Variants in DNM3 observed in about 807,000 individuals in gnomAD.
DNM3 encodes the protein dynamin-3.
In DNM3, 47 loss-of-function variants were observed where a neutral mutation model predicts 101.6. That is an observed-to-expected ratio of 0.46 (90% CI 0.37 to 0.59). The LOEUF (loss-of-function observed/expected upper bound fraction) is 0.59, where lower values mean the gene tolerates loss of function less well. Ranked by LOEUF, DNM3 falls within the 20% of genes least tolerant of loss-of-function variation. DNM3 has a pLI of 0.00. For synonymous variants in DNM3, 385 were observed against 387.9 expected (o/e 0.99, Z 0.09); for missense variants, 849 against 1,085.7 (o/e 0.78, Z 3.06).
intron 14 of DNM3, among the ~76,000 whole-genome samples, chr1:172,235,737 T>C (rs893857794): frequency 1.3e-5 from 2 of 151,848 alleles, no homozygotes; most frequent in African/African-American, 4.8e-5. Flanking sequence ...CAGCAAACTA[T>C]CGCAAGGACA....
rs148056675 is a variant in DNM3, at chr1:171,954,265, A to C, written c.235+32444A>C. Among the ~76,000 whole-genome samples the C allele has an allele frequency of 6.6e-4, 100 of 152,330 alleles. 1 individual carries two copies. The highest frequency in any genetic ancestry group is 2.3e-3 in the African/African-American group (95 of 41,572). On this transcript the variant is annotated intron_variant, in intron 2 of 20. Coordinates refer to ENST00000627582, the MANE Select transcript of DNM3 (RefSeq NM_015569.5). ...TATCATAGTAAATCTCTTTTGCTAA[A>C]TTTGACTGATGATTCCAGCCTGGTG...
At chr1:172,081,505 C>T (rs377141272) in intron 11 of DNM3, among the ~76,000 whole-genome samples, 19 of 152,132 alleles carry the variant, frequency 1.2e-4, no homozygotes, top group African/African-American at 4.6e-4. Context: ...TTGTGCTTGT[C>T]CTTCTTTTGA....
At chr1:172,082,677 A>G (rs2053246487) in intron 12 of DNM3, among the ~76,000 whole-genome samples, 2 of 152,260 alleles carry the variant, frequency 1.3e-5, no homozygotes, top group Admixed American at 1.3e-4. Context: ...TAAACTGAGT[A>G]TTCAAGAACA....
chr1:171,909,690 G>T (rs931129053), intron 1 of DNM3, among the ~76,000 whole-genome samples: 7 of 152,070 alleles, frequency 4.6e-5, no homozygotes, highest in Admixed American at 3.3e-4. Flanking sequence ...TTTGTATGTA[G>T]TTTGTGCTGT....
chr1:172,099,414 A>G (rs1296883256), intron 13 of DNM3, among the ~76,000 whole-genome samples: 1 of 152,142 alleles, frequency 6.6e-6, no homozygotes, highest in Non-Finnish European at 1.5e-5. Flanking sequence ...TTCTTGCAGC[A>G]GGTGGGAAAG....
chr1:171,977,998 A>T (rs983102960), intron 2 of DNM3, among the ~76,000 whole-genome samples: 1 of 151,738 alleles, frequency 6.6e-6, no homozygotes, highest in South Asian at 2.1e-4. Flanking sequence ...ATTTATAATC[A>T]TTTTTTTTCC....
chr1:172,062,767 A>G (rs916856626), intron 10 of DNM3, among the ~76,000 whole-genome samples: 1 of 152,214 alleles, frequency 6.6e-6, no homozygotes, highest in African/African-American at 2.4e-5. Flanking sequence ...GAAAACAGTC[A>G]CTATTTCTTG....
At chr1:172,105,582 CT>C (rs1320086797) in intron 13 of DNM3, among the ~76,000 whole-genome samples, 4 of 151,988 alleles carry the variant, frequency 2.6e-5, no homozygotes, top group Non-Finnish European at 5.9e-5. Context: ...ATGAGTTTTG[CT>C]TTTGTAGATT....
intron 14 of DNM3, among the ~76,000 whole-genome samples, chr1:172,240,638 A>G (rs2061714979): frequency 1.3e-5 from 2 of 152,198 alleles, no homozygotes; most frequent in Admixed American, 6.5e-5. Context: ...ATGTGCACTC[A>G]AAAGCTGTTA....
intron 4 of DNM3, among the ~76,000 whole-genome samples, chr1:171,998,386 A>C (rs1221666500): frequency 6.6e-6 from 1 of 152,166 alleles, no homozygotes; most frequent in East Asian, 1.9e-4. Context: ...TCTTGATTAC[A>C]TCCACAAAGC....
Position 172,411,042 on chromosome 1 carries a change from T to TA in DNM3, c.*3205dup. 3 of 985,228 alleles carry TA rather than the reference T, an allele frequency of 3.0e-6. No individual in the cohort carries two copies. Among genetic ancestry groups the TA allele is most frequent in the Non-Finnish European group, 3.6e-6 (3 of 829,800 alleles). The allele number at this position is 985,228 out of a possible 1,614,324, so 61.0% of individuals were successfully genotyped here. A position where few individuals can be genotyped will look rare whatever the true frequency, so the allele number is the denominator to read the frequency against. Reference sequence around the variant, plus strand: ...GTAGGTAGGTTTTAAAAATACTAGTTAAAATGCCACAAGCATGAGTGTGAT... The same window carrying TA: ...GTAGGTAGGTTTTAAAAATACTAGTTAAAAATGCCACAAGCATGAGTGTGAT... On this transcript the variant is annotated 3_prime_UTR_variant, in exon 21 of 21. Transcript: ENST00000627582.
chr1:172,380,477 A>C (rs1426599941), intron 18 of DNM3, among the ~76,000 whole-genome samples: 1 of 152,108 alleles, frequency 6.6e-6, no homozygotes, highest in Non-Finnish European at 1.5e-5. Context: ...TATGTATTCA[A>C]ACAAGGTTAG....
At chr1:172,307,408 G>T (rs1400645476) in intron 15 of DNM3, among the ~76,000 whole-genome samples, 1 of 152,180 alleles carries the variant, frequency 6.6e-6, no homozygotes, top group Admixed American at 6.5e-5. Flanking sequence ...AAATAGGAAT[G>T]CTTTTACACG....
chr1:172,189,139 CT>C (rs1572880715), intron 14 of DNM3, among the ~76,000 whole-genome samples: 2 of 152,012 alleles, frequency 1.3e-5, no homozygotes, highest in East Asian at 3.9e-4. Flanking sequence ...ATTGAATTGC[CT>C]TTTTCCCTTT....
At chr1:172,304,973 C>T (rs1286067408) in intron 15 of DNM3, among the ~76,000 whole-genome samples, 1 of 152,144 alleles carries the variant, frequency 6.6e-6, no homozygotes, top group Non-Finnish European at 1.5e-5. Flanking sequence ...ATTAAAAGAA[C>T]TAGAGACGCA....
chr1:172,031,384 A>G (rs1243151520), intron 4 of DNM3, among the ~76,000 whole-genome samples: 2 of 152,160 alleles, frequency 1.3e-5, no homozygotes, highest in Non-Finnish European at 2.9e-5. Flanking sequence ...GGAACAACAC[A>G]CACTGGGGCC....
intron 4 of DNM3, among the ~76,000 whole-genome samples, chr1:172,029,563 A>G (rs2048454579): frequency 1.3e-5 from 2 of 152,224 alleles, no homozygotes; most frequent in African/African-American, 2.4e-5. Context: ...CAGGTCAATC[A>G]GGCAAGAGAA....
intron 4 of DNM3, among the ~76,000 whole-genome samples, chr1:172,024,606 T>A (rs1053562564): frequency 3.3e-5 from 5 of 152,230 alleles, no homozygotes; most frequent in Non-Finnish European, 2.9e-5. Flanking sequence ...GGTACCTGGC[T>A]CGTCTCACTG....
chr1:172,410,322 T>C lies in DNM3; in HGVS notation c.*2481T>C. 2.0e-6 allele frequency: 2 copies of C among 985,372 alleles called. No homozygotes were observed. The highest frequency in any genetic ancestry group is 1.2e-6 in the Non-Finnish European group (1 of 829,874). The allele number at this position is 985,372 out of a possible 1,614,324, so 61.0% of individuals were successfully genotyped here. A position where few individuals can be genotyped will look rare whatever the true frequency, so the allele number is the denominator to read the frequency against. The stretch of plus-strand genomic sequence containing the variant: ...CCAGGCCTTAAGATGGGAATGTAGC[T>C]TAATGATTTTCTGTTTCCCATACCA... On this transcript the variant is annotated 3_prime_UTR_variant, in exon 21 of 21. Transcript: ENST00000627582.
Sources: gnomAD v4.1 joint callset for allele counts (sites outside exome capture counted in the v4.1 genomes callset) on GRCh38, gnomAD v4.1.1 for gene constraint, MANE v1.5 for transcripts, NCBI Gene and HGNC (gene_info 2026-07-23, HGNC 2026-07-21) for gene names.